The following TMEM230 variants were observed in gnomAD, a reference collection of about 807,000 sequenced individuals.
TMEM230 encodes the protein UPF0414 transmembrane protein C20orf30.
A neutral mutation model predicts 15.8 loss-of-function variants in TMEM230; 10 were observed. The ratio of observed to expected loss-of-function variants is 0.63; its 90% confidence interval spans 0.39 to 1.07. TMEM230 has a LOEUF of 1.07. Ranked by LOEUF, TMEM230 falls within the 50% of genes least tolerant of loss-of-function variation. The pLI is 0.01. For synonymous variants in TMEM230, 67 were observed against 76.9 expected (o/e 0.87, Z 0.68); for missense variants, 165 against 193.3 (o/e 0.85, Z 0.87).
intron 3 of TMEM230, among the ~76,000 whole-genome samples, chr20:5,086,952 G>A (rs986968776): frequency 6.6e-6 from 1 of 151,960 alleles, no homozygotes; most frequent in Non-Finnish European, 1.5e-5. Flanking sequence ...TGGCTCATTG[G>A]AGCCTCGACC....
At chr20:5,099,220 AAATAAATAAATAAATCAATC>A (rs1184778013), downstream of TMEM230, among the ~76,000 whole-genome samples, 14 of 105,462 alleles carry the variant, frequency 1.3e-4, no homozygotes, top group African/African-American at 3.8e-4. Flanking sequence ...ATAAATAAAT[AAATAAATAAATAAATCAATC>A]AATCAATAAT....
chr20:5,072,538 A>C (rs1287443892), intron 3 of TMEM230, among the ~76,000 whole-genome samples: 1 of 151,774 alleles, frequency 6.6e-6, no homozygotes. Flanking sequence ...TAAGAACATG[A>C]ACTTGAAGTT....
At chr20:5,097,959 C>T (rs146475556), downstream of TMEM230, among the ~76,000 whole-genome samples, 612 of 137,356 alleles carry the variant, frequency 4.5e-3, 3 homozygotes, top group African/African-American at 0.016. Flanking sequence ...AGAATCTTAT[C>T]TAACTCAGGA....
chr20:5,062,641 T>C, the TMEM230 span, among the ~76,000 whole-genome samples: 2 of 152,022 alleles, frequency 1.3e-5, no homozygotes, highest in Admixed American at 6.6e-5. Flanking sequence ...TGCATGCTTG[T>C]AGTCCCAGCT....
chr20:5,106,078 A>AACACACACACACAAAC (rs2090071316), intron 4 of TMEM230, 110 bp downstream of exon 3: 1 of 503,958 alleles, frequency 2.0e-6, no homozygotes, highest in African/African-American at 6.1e-5. Context: ...GGGACGGACA[A>AACACACACACACAAAC]ACACACACAC....
chr20:5,071,953 G>A (rs1442946575), intron 3 of TMEM230, among the ~76,000 whole-genome samples: 1 of 152,144 alleles, frequency 6.6e-6, no homozygotes, highest in Non-Finnish European at 1.5e-5. Context: ...GTTTCACCAT[G>A]TTGGTCAAGC....
downstream of TMEM230, among the ~76,000 whole-genome samples, chr20:5,067,599 A>G (rs1321929816): frequency 6.7e-6 from 1 of 150,280 alleles, no homozygotes; most frequent in Non-Finnish European, 1.5e-5. Context: ...GCGTGCCACC[A>G]CACCCGGCTA....
At chr20:5,084,346 CCT>C (rs2089271968) in intron 3 of TMEM230, among the ~76,000 whole-genome samples, 1 of 151,508 alleles carries the variant, frequency 6.6e-6, no homozygotes, top group Non-Finnish European at 1.5e-5. Flanking sequence ...GCCTCAGCCC[CCT>C]GAGTAACTGG....
At chr20:5,088,002 C>CT (rs1423524008) in intron 3 of TMEM230, among the ~76,000 whole-genome samples, 1,018 of 64,922 alleles carry the variant, frequency 0.016, 11 homozygotes, top group African/African-American at 0.049. Flanking sequence ...CAGGATATAC[C>CT]TAAAAAAAAA....
chr20:5,081,183 AGAGAAGCAT>A (rs2089163229), intron 3 of TMEM230, among the ~76,000 whole-genome samples: 1 of 152,218 alleles, frequency 6.6e-6, no homozygotes, highest in African/African-American at 2.4e-5. Context: ...GGAGAATTAG[AGAGAAGCAT>A]GTGGGTTTGA....
intron 3 of TMEM230, among the ~76,000 whole-genome samples, chr20:5,071,512 A>G (rs1267192290): frequency 3.3e-5 from 5 of 151,558 alleles, no homozygotes; most frequent in Admixed American, 6.6e-5. Context: ...AATCCCAGCT[A>G]CTTGGGAGGC....
At position 5,106,113 on chromosome 20, in the gene TMEM230, A is replaced by G. The variant is rs1568504752; in HGVS notation, c.411+75T>C. 422 of 1,521,164 alleles carry G rather than the reference A, an allele frequency of 2.8e-4. 1 individual carries two copies. Among genetic ancestry groups the G allele is most frequent in the African/African-American group, 2.3e-3 (154 of 68,402 alleles). The allele number at this position is 1,521,164 out of a possible 1,614,324, so 94.2% of individuals were successfully genotyped here. The stretch of plus-strand genomic sequence containing the variant: ...CACACACACACACACACACACACAC[A>G]CACACACGCACACTAGAGCCTTGGC... On this transcript the variant is annotated intron_variant, in intron 4 of 4. Transcript: ENST00000342308.
intron 2 of TMEM230, among the ~76,000 whole-genome samples, chr20:5,109,787 C>T (rs1335279718): frequency 2.6e-5 from 4 of 152,168 alleles, no homozygotes; most frequent in African/African-American, 9.7e-5. Flanking sequence ...TCCAAAGTCA[C>T]ATAGAGACTA....
intron 3 of TMEM230, among the ~76,000 whole-genome samples, chr20:5,071,537 C>T (rs372196464): frequency 7.9e-4 from 119 of 151,176 alleles, no homozygotes; most frequent in African/African-American, 2.8e-3. Context: ...GCAGGAGAAT[C>T]GCTTGAACCC....
chr20:5,091,530 T>C (rs1295652377), intron 3 of TMEM230, among the ~76,000 whole-genome samples: 2 of 150,150 alleles, frequency 1.3e-5, no homozygotes, highest in African/African-American at 2.5e-5. Context: ...ATTTTTGTTG[T>C]TTTTTTTCTC....
intron 2 of TMEM230, among the ~76,000 whole-genome samples, chr20:5,110,050 T>G (rs2037934327): frequency 6.6e-6 from 1 of 152,110 alleles, no homozygotes; most frequent in Admixed American, 6.6e-5. Flanking sequence ...GTTTTTTTGT[T>G]GTTGTTGTTT....
At chr20:5,107,813 CAAAAA>C (rs374440749) in intron 3 of TMEM230, among the ~76,000 whole-genome samples, 1 of 119,934 alleles carries the variant, frequency 8.3e-6, no homozygotes, top group Non-Finnish European at 1.7e-5. Context: ...GACCCTGTCT[CAAAAA>C]AAAAAAAAAA....
At chr20:5,090,593 T>C (rs1361898486) in intron 3 of TMEM230, among the ~76,000 whole-genome samples, 4 of 152,050 alleles carry the variant, frequency 2.6e-5, no homozygotes, top group South Asian at 2.1e-4. Context: ...ACATAGAAAA[T>C]CATGCAAATA....
chr20:5,060,336 T>TA, the TMEM230 span, among the ~76,000 whole-genome samples: 1 of 131,334 alleles, frequency 7.6e-6, no homozygotes, highest in Non-Finnish European at 1.5e-5. Flanking sequence ...TATTGTCTTT[T>TA]TTTTTTTTTT....
Sources: allele counts gnomAD v4.1 joint callset (sites outside exome capture counted in the v4.1 genomes callset), GRCh38; gene constraint gnomAD v4.1.1; transcripts MANE v1.5; gene names NCBI Gene and HGNC (gene_info 2026-07-23, HGNC 2026-07-21).